The following MTA3 variants were observed in gnomAD, a reference collection of about 807,000 sequenced individuals.
The protein encoded by MTA3 is metastasis associated 1 family member 3.
A neutral mutation model predicts 83.5 loss-of-function variants in MTA3; 34 were observed. The observed-to-expected ratio is 0.41, with a 90% CI of 0.31 to 0.54. The LOEUF (loss-of-function observed/expected upper bound fraction) is 0.54, where lower values mean the gene tolerates loss of function less well. Ranked by LOEUF, MTA3 falls within the 20% of genes least tolerant of loss-of-function variation. The pLI, the probability that MTA3 is intolerant of heterozygous loss-of-function variation, is 0.33. For missense variants in MTA3, 761 were observed against 726.4 expected (o/e 1.05, Z -0.55); for synonymous variants, 303 against 252.7 (o/e 1.20, Z -1.89).
intron 2 of MTA3, among the ~76,000 whole-genome samples, chr2:42,498,000 C>G (rs1364485343): frequency 6.6e-6 from 1 of 152,184 alleles, no homozygotes; most frequent in Non-Finnish European, 1.5e-5. Context: ...GGCTTGAACA[C>G]AGATTCCTCC....
intron 16 of MTA3, among the ~76,000 whole-genome samples, chr2:42,750,550 C>A (rs968488176): frequency 3.3e-5 from 5 of 152,244 alleles, no homozygotes; most frequent in African/African-American, 1.2e-4. Flanking sequence ...GGTGTTTGGA[C>A]GATAAATGCC....
intron 2 of MTA3, chr2:42,532,894 T>C (rs1385982483): frequency 6.1e-6 from 2 of 328,550 alleles, no homozygotes; most frequent in South Asian, 3.2e-5. Context: ...TTGGCTTCTT[T>C]TTTTCCTGAC....
At chr2:42,694,327 G>T (rs112476896) in intron 9 of MTA3, among the ~76,000 whole-genome samples, 1 of 152,068 alleles carries the variant, frequency 6.6e-6, no homozygotes, top group African/African-American at 2.4e-5. Flanking sequence ...ACTAGGAGTT[G>T]TTTAGGAGTT....
intron 4 of MTA3, among the ~76,000 whole-genome samples, chr2:42,624,879 A>C (rs1488143918): frequency 6.6e-6 from 1 of 152,202 alleles, no homozygotes; most frequent in Non-Finnish European, 1.5e-5. Context: ...GTTTTATACC[A>C]CATCGGTTCT....
intron 13 of MTA3, among the ~76,000 whole-genome samples, chr2:42,708,663 C>T (rs1666319507): frequency 6.6e-6 from 1 of 152,168 alleles, no homozygotes; most frequent in Admixed American, 6.5e-5. Flanking sequence ...TATAGCAGTA[C>T]AGTATTCTCC....
At chr2:42,502,132 G>A (rs1376586995) in intron 2 of MTA3, among the ~76,000 whole-genome samples, 2 of 150,840 alleles carry the variant, frequency 1.3e-5, no homozygotes, top group African/African-American at 2.4e-5. Context: ...TGAAAAGGGG[G>A]GACATCTCAA....
In MTA3 at chr2:42,568,767, G is replaced by C. The variant is rs1416526546; in HGVS notation, c.22G>C (p.Val8Leu). Reference sequence around the variant, plus strand: ...GGACATGGCGGCCAACATGTACCGGGTCGGAGGTAGGCAGGCTCGGCCCGA... The same window carrying C: ...GGACATGGCGGCCAACATGTACCGGCTCGGAGGTAGGCAGGCTCGGCCCGA... MAANMYR[V>L]GDYVYFENSS... is the part of the protein sequence containing the mutation. The change falls in exon 1 of 17, where the codon GTC becomes CTC. Residue 8 changes from valine to leucine, a missense_variant. Transcript: ENST00000405094. 8.2e-7 allele frequency: 1 copy of C among 1,219,300 alleles called. No individual in the cohort carries two copies. Among genetic ancestry groups the C allele is most frequent in the African/African-American group, 1.6e-5 (1 of 63,670 alleles). 75.5% of individuals were successfully genotyped at this position (1,219,300 alleles called of 1,614,324 possible).
intron 3 of MTA3, among the ~76,000 whole-genome samples, chr2:42,594,717 TA>T (rs1681506429): frequency 9.8e-5 from 4 of 40,610 alleles, no homozygotes; most frequent in African/African-American, 3.5e-4. Flanking sequence ...TATATATATA[TA>T]TATATATATA....
Position 42,756,362 on chromosome 2 carries a change from G to A in MTA3, c.*2963G>A. On this transcript the variant is annotated 3_prime_UTR_variant, in exon 17 of 17. Transcript: ENST00000405094. The stretch of plus-strand genomic sequence containing the variant: ...TCCAGAGTCCTGCAGGTGCCTCACA[G>A]TAGTGAAACCCAGTTGGAAGCAGCT... The A allele has an allele frequency of 1.4e-6, 1 of 701,594 alleles. No individual in the cohort carries two copies. The allele number at this position is 701,594 out of a possible 1,614,324, so 43.5% of individuals were successfully genotyped here. A position where few individuals can be genotyped will look rare whatever the true frequency, so the allele number is the denominator to read the frequency against.
intron 2 of MTA3, 52 bp downstream of exon 2, chr2:42,570,556 G>C (rs1350591778): frequency 3.5e-6 from 4 of 1,136,510 alleles, no homozygotes; most frequent in Non-Finnish European, 4.9e-6. Flanking sequence ...ATTTTCCCTT[G>C]ATGGGTAATT....
chr2:42,659,701 G>A (rs146299136), intron 7 of MTA3, 62 bp from the exon 8 acceptor site: 17 of 1,263,560 alleles, frequency 1.3e-5, no homozygotes, highest in Admixed American at 7.3e-5. Flanking sequence ...TTTTTAAAAC[G>A]TTAAAAAAAC....
chr2:42,716,479 C>T (rs1245022938), intron 14 of MTA3, among the ~76,000 whole-genome samples: 1 of 152,168 alleles, frequency 6.6e-6, no homozygotes, highest in Non-Finnish European at 1.5e-5. Context: ...TGTCCCTCCT[C>T]TCACCCTCCA....
intron 6 of MTA3, among the ~76,000 whole-genome samples, chr2:42,652,380 C>T (rs1007449735): frequency 6.6e-6 from 1 of 152,158 alleles, no homozygotes; most frequent in African/African-American, 2.4e-5. Context: ...CTCCCCCCAT[C>T]CCCCCACGTA....
At chr2:42,730,512 C>G (rs1413634615) in intron 16 of MTA3, among the ~76,000 whole-genome samples, 1 of 152,192 alleles carries the variant, frequency 6.6e-6, no homozygotes, top group Non-Finnish European at 1.5e-5. Flanking sequence ...ATATATTACA[C>G]TGATTGATTT....
chr2:42,584,623 G>T (rs1680052167), intron 3 of MTA3, among the ~76,000 whole-genome samples: 1 of 151,964 alleles, frequency 6.6e-6, no homozygotes, highest in African/African-American at 2.4e-5. Context: ...AGCACTTTGG[G>T]AGGCTGAGGC....
At chr2:42,720,951 C>CAAAAAAAAAAAAAAAAA (rs377702701) in intron 15 of MTA3, among the ~76,000 whole-genome samples, 11 of 69,574 alleles carry the variant, frequency 1.6e-4, no homozygotes, top group African/African-American at 4.8e-4. Context: ...GACCCTGTCT[C>CAAAAAAAAAAAAAAAAA]AAAAAAAAAA....
At chr2:42,749,762 C>T (rs901195822) in intron 16 of MTA3, among the ~76,000 whole-genome samples, 2 of 152,138 alleles carry the variant, frequency 1.3e-5, no homozygotes, top group African/African-American at 2.4e-5. Context: ...GTCACCACAC[C>T]TGGCCTCAAA....
At chr2:42,668,833 C>T (rs1690526674) in intron 8 of MTA3, among the ~76,000 whole-genome samples, 1 of 152,038 alleles carries the variant, frequency 6.6e-6, no homozygotes. Context: ...TATAATCTTC[C>T]TCTTAAAACA....
chr2:42,545,282 G>A (rs568632565), intron 2 of MTA3, among the ~76,000 whole-genome samples: 4 of 151,244 alleles, frequency 2.6e-5, no homozygotes, highest in African/African-American at 4.9e-5. Context: ...GGAGGCTGGG[G>A]TGAGAGGATC....
Sources: allele counts gnomAD v4.1 joint callset (sites outside exome capture counted in the v4.1 genomes callset), GRCh38; gene constraint gnomAD v4.1.1; transcripts MANE v1.5; gene names NCBI Gene and HGNC (gene_info 2026-07-23, HGNC 2026-07-21).